The following C12orf42 variants were observed in gnomAD, a reference collection of about 807,000 sequenced individuals.
The protein encoded by C12orf42 is chromosome 12 open reading frame 42, also known as uncharacterized protein C12orf42.
C12orf42 carries 25 observed loss-of-function variants against 21.6 expected under a neutral mutation model. That is an observed-to-expected ratio of 1.16 (90% CI 0.84 to 1.62). C12orf42 has a LOEUF of 1.62. Among genes scored for constraint, C12orf42 ranks in the 40% most tolerant of loss-of-function variants. The pLI is 0.00. For synonymous variants in C12orf42, 174 were observed against 175.0 expected (o/e 0.99, Z 0.05); for missense variants, 483 against 459.3 (o/e 1.05, Z -0.47).
At chr12:103,414,312 G>A (rs192869436) in intron 2 of C12orf42, among the ~76,000 whole-genome samples, 17 of 151,038 alleles carry the variant, frequency 1.1e-4, no homozygotes, top group Middle Eastern at 3.4e-3. Flanking sequence ...TATGTCCTTA[G>A]CCCACTTTTT....
the C12orf42 span, chr12:103,164,819 G>T: frequency 2.4e-6 from 1 of 420,310 alleles, no homozygotes; most frequent in Non-Finnish European, 4.8e-6. Context: ...GGAGAGACAA[G>T]ATAAATTGGC....
chr12:103,179,799 C>A, the C12orf42 span, among the ~76,000 whole-genome samples: 1 of 152,030 alleles, frequency 6.6e-6, no homozygotes, highest in East Asian at 1.9e-4. Flanking sequence ...TTCAGAATGA[C>A]GGATTTGGTG....
chr12:103,441,540 G>A (rs1190044888), intron 2 of C12orf42: 2 of 152,068 alleles, frequency 1.3e-5, no homozygotes, highest in African/African-American at 2.4e-5. Context: ...TGACACACAG[G>A]AGCAGCAGCC....
chr12:103,165,518 T>C, the C12orf42 span, among the ~76,000 whole-genome samples: 24 of 152,310 alleles, frequency 1.6e-4, 1 homozygote, highest in East Asian at 2.1e-3. Flanking sequence ...AGGTGGCATA[T>C]AGAAACAGTG....
the C12orf42 span, among the ~76,000 whole-genome samples, chr12:103,524,930 A>G: frequency 8.5e-6 from 1 of 117,516 alleles, no homozygotes; most frequent in Non-Finnish European, 1.6e-5. Flanking sequence ...GGCTGGCCCA[A>G]CTAAATTGGA....
In C12orf42 at chr12:103,302,401, T is replaced by C. The variant is rs775982300; in HGVS notation, c.790A>G (p.Arg264Gly). The C allele has an allele frequency of 3.7e-6, 6 of 1,613,860 alleles. No homozygotes were observed. Among genetic ancestry groups the C allele is most frequent in the Non-Finnish European group, 5.1e-6 (6 of 1,179,842 alleles). The change falls in exon 6 of 6, where the codon AGA becomes GGA. Residue 264 changes from arginine to glycine, a missense_variant. Transcript: ENST00000548883. ...GGATTTCCGGACGCGCCCAGGAGTC[T>C]GCTTTGGATGTCGTCGGGGTGTGCC... ...AQAHPDDIQS[R>G]LLGASGNPVG...
intron 3 of C12orf42, chr12:103,378,840 G>C (rs2045925018): frequency 6.6e-6 from 1 of 152,154 alleles, no homozygotes; most frequent in Non-Finnish European, 1.5e-5. Flanking sequence ...GAATGTTTAA[G>C]TGAAAAAGCA....
the C12orf42 span, among the ~76,000 whole-genome samples, chr12:103,508,683 A>G: frequency 2.6e-5 from 4 of 152,158 alleles, no homozygotes; most frequent in African/African-American, 9.7e-5. Context: ...ACAGTTACTT[A>G]TAAATATGTG....
chr12:103,059,760 G>T, the C12orf42 span, among the ~76,000 whole-genome samples: 1 of 152,074 alleles, frequency 6.6e-6, no homozygotes, highest in East Asian at 1.9e-4. Flanking sequence ...ATGCAGAAAG[G>T]CCTTTGATAA....
the C12orf42 span, among the ~76,000 whole-genome samples, chr12:103,198,561 C>T: frequency 5.3e-5 from 8 of 152,340 alleles, no homozygotes; most frequent in East Asian, 1.9e-4. Flanking sequence ...TCATGCCAAA[C>T]GATCTGGGCT....
intron 2 of C12orf42, among the ~76,000 whole-genome samples, chr12:103,444,903 G>T (rs1489429097): frequency 1.3e-5 from 2 of 151,564 alleles, no homozygotes; most frequent in Non-Finnish European, 2.9e-5. Context: ...TACAAGCTTT[G>T]ATATATTTCT....
chr12:103,447,642 C>T (rs961251322), intron 2 of C12orf42, among the ~76,000 whole-genome samples: 1 of 151,992 alleles, frequency 6.6e-6, no homozygotes, highest in Non-Finnish European at 1.5e-5. Context: ...CTGCTATACA[C>T]CAACAGTGAC....
At chr12:103,454,550 A>C (rs1952161248) in intron 2 of C12orf42, among the ~76,000 whole-genome samples, 1 of 152,112 alleles carries the variant, frequency 6.6e-6, no homozygotes, top group African/African-American at 2.4e-5. Context: ...GACCTTATCT[A>C]CTTTTTCCTC....
chr12:103,271,902 A>G (rs1277259762), intron 5 of C12orf42, among the ~76,000 whole-genome samples: 3 of 152,230 alleles, frequency 2.0e-5, no homozygotes, highest in Admixed American at 2.0e-4. Flanking sequence ...AGGAAAATGT[A>G]TCACTCCAAC....
chr12:103,112,245 G>A, the C12orf42 span, among the ~76,000 whole-genome samples: 4 of 152,166 alleles, frequency 2.6e-5, no homozygotes, highest in East Asian at 1.9e-4. Flanking sequence ...AGAGTTAAGC[G>A]TTATGAGGCA....
chr12:103,484,685 G>A (rs1954703519), intron 1 of C12orf42, among the ~76,000 whole-genome samples: 1 of 152,000 alleles, frequency 6.6e-6, no homozygotes, highest in African/African-American at 2.4e-5. Context: ...TGTCGATTTT[G>A]GCTTTTGTTG....
At chr12:103,057,315 T>A in the C12orf42 span, among the ~76,000 whole-genome samples, 8 of 152,042 alleles carry the variant, frequency 5.3e-5, no homozygotes, top group African/African-American at 1.9e-4. Flanking sequence ...AAGCCCCACA[T>A]GCATTAGTTA....
chr12:103,247,738 C>A (rs921871779), intron 10 of C12orf42, among the ~76,000 whole-genome samples: 3 of 151,958 alleles, frequency 2.0e-5, no homozygotes, highest in African/African-American at 7.2e-5. Context: ...CTCCTCTGTA[C>A]ATGTCTCTAG....
intron 4 of C12orf42, among the ~76,000 whole-genome samples, chr12:103,288,682 T>C (rs1484304352): frequency 6.6e-6 from 1 of 152,184 alleles, no homozygotes; most frequent in African/African-American, 2.4e-5. Flanking sequence ...GATTTTGCCC[T>C]TCATTCATGT....
Sources: gnomAD v4.1 joint callset for allele counts (sites outside exome capture counted in the v4.1 genomes callset) on GRCh38, gnomAD v4.1.1 for gene constraint, MANE v1.5 for transcripts, NCBI Gene and HGNC (gene_info 2026-07-23, HGNC 2026-07-21) for gene names.